AGAP1: variants seen among roughly 807,000 people sequenced by gnomAD.
AGAP1 encodes ArfGAP with GTPase domain, ankyrin repeat and PH domain 1.
A neutral mutation model predicts 105.3 loss-of-function variants in AGAP1; 29 were observed. The ratio of observed to expected loss-of-function variants is 0.28; its 90% CI spans 0.21 to 0.38. The LOEUF (loss-of-function observed/expected upper bound fraction) is 0.38, where lower values mean the gene tolerates loss of function less well. Ranked by LOEUF, AGAP1 falls within the 10% of genes least tolerant of loss-of-function variation. The pLI is 1.00. For missense variants in AGAP1, 998 were observed against 1,165.1 expected (o/e 0.86, Z 2.09); for synonymous variants, 509 against 485.9 (o/e 1.05, Z -0.63).
rs970454413 is a variant in AGAP1, at chr2:235,639,039, G to A, written c.164-70140G>A. 4.6e-5 allele frequency among the ~76,000 whole-genome samples: 7 copies of A among 152,296 alleles called. No homozygotes were observed. Among genetic ancestry groups the A allele is most frequent in the African/African-American group, 1.7e-4 (7 of 41,568 alleles). On this transcript the variant is annotated intron_variant, in intron 1 of 17. Coordinates refer to ENST00000304032, the MANE Select transcript of AGAP1 (RefSeq NM_001037131.3). This position sits in a 1 kb window ranked among gnomAD's most constrained non-coding sequence, Gnocchi z 5.3. Reference sequence around the variant, plus strand: ...CCCACTGGTTAAAATAGTGTCAGTAGGGGTGGAGAGAAGGGGACAAAAGAG... The same window carrying A: ...CCCACTGGTTAAAATAGTGTCAGTAAGGGTGGAGAGAAGGGGACAAAAGAG...
rs1303262552 is a variant in AGAP1 at position 235,573,061 on chromosome 2, T to C, written c.163+78212T>C. On this transcript the variant is annotated intron_variant, in intron 1 of 17. Transcript: ENST00000304032. ...CTTCTTCTTCTTCTTCTTCTTCTTC[T>C]TTCTTCTTTCTTCTTTCTTCTTTCT... is the stretch of plus-strand genomic sequence containing the variant. 6.5e-3 allele frequency among the ~76,000 whole-genome samples: 441 copies of C among 67,372 alleles called. 83 individuals carry two copies. The East Asian group carries it at 0.16, about 24-fold the overall frequency. 44.2% of individuals were successfully genotyped at this position (67,372 alleles called of 152,430 possible).
rs1041190737 is a variant in AGAP1 at position 235,855,186 on chromosome 2, G to A, written c.1051-28159G>A. Among the ~76,000 whole-genome samples, 1 of 152,216 alleles carries A rather than the reference G, an allele frequency of 6.6e-6. No homozygotes were observed. The highest frequency in any genetic ancestry group is 1.5e-5 in the Non-Finnish European group (1 of 68,030). ...TCATCAGGCCCCAGGTGGAAAATCG[G>A]CGTGGTGACGCATGTGCTGCCATCC... On this transcript the variant is annotated intron_variant, in intron 9 of 17. Transcript: ENST00000304032. The surrounding 1 kb of genome is among the most constrained non-coding windows in gnomAD (Gnocchi z 5.0).
At chr2:235,835,749 C>T (rs924226032) in intron 9 of AGAP1, among the ~76,000 whole-genome samples, 7 of 152,330 alleles carry the variant, frequency 4.6e-5, no homozygotes, top group South Asian at 4.1e-4. Context: ...TCATGTTAAG[C>T]TTTGCTCGTG....
intron 13 of AGAP1, among the ~76,000 whole-genome samples, chr2:236,021,920 G>A (rs1243167140): frequency 6.6e-6 from 1 of 151,864 alleles, no homozygotes; most frequent in Non-Finnish European, 1.5e-5. Context: ...TTAGCCAGGT[G>A]TGGTGGCGCA....
intron 1 of AGAP1, among the ~76,000 whole-genome samples, chr2:235,520,315 T>C (rs1289807279): frequency 2.6e-5 from 4 of 152,244 alleles, no homozygotes; most frequent in Non-Finnish European, 5.9e-5. Context: ...GATCAAATAC[T>C]GTGTGCACGT....
At chr2:235,869,625 C>CTTAT (rs1395938276) in intron 9 of AGAP1, among the ~76,000 whole-genome samples, 2 of 151,962 alleles carry the variant, frequency 1.3e-5, no homozygotes, top group African/African-American at 4.8e-5. Context: ...AAAGTGCCAC[C>CTTAT]TTATTGTTTA....
In AGAP1 at chr2:235,845,979, C is replaced by T. The variant is rs1575603195; in HGVS notation, c.1051-37366C>T. On this transcript the variant is annotated intron_variant, in intron 9 of 17. Transcript: ENST00000304032. This position sits in a 1 kb window ranked among gnomAD's most constrained non-coding sequence, Gnocchi z 4.8. ...CACAGGGTTGAAATCTTTCCCAGGC[C>T]CTCCAGACCTCCTGGATGAGGCTTA... Among the ~76,000 whole-genome samples the T allele has an allele frequency of 6.6e-6, 1 of 151,888 alleles. No individual in the cohort carries two copies. Among genetic ancestry groups the T allele is most frequent in the African/African-American group, 2.4e-5 (1 of 41,318 alleles).
chr2:236,107,933 C>T (rs532406579), intron 16 of AGAP1, among the ~76,000 whole-genome samples: 2 of 152,348 alleles, frequency 1.3e-5, no homozygotes, highest in East Asian at 3.9e-4. Flanking sequence ...TCATAAAACA[C>T]CCTGCAGGTT....
At position 236,045,669 on chromosome 2, in the gene AGAP1, C is replaced by T. The variant is rs991579940; in HGVS notation, c.1892-3390C>T. Among the ~76,000 whole-genome samples the T allele has an allele frequency of 5.9e-5, 9 of 152,248 alleles. No individual in the cohort carries two copies. The highest frequency in any genetic ancestry group is 1.3e-4 in the Non-Finnish European group (9 of 68,048). On this transcript the variant is annotated intron_variant, in intron 15 of 17. Coordinates refer to ENST00000304032, the MANE Select transcript of AGAP1 (RefSeq NM_001037131.3). The surrounding 1 kb of genome is among the most constrained non-coding windows in gnomAD (Gnocchi z 6.9). ...AGGAGACAGTGCAGAGGTCTGAGTC[C>T]GTGCCAGGAGGCTGGGATCAGCCAC...
rs111486636 is a variant in AGAP1 at position 235,686,140 on chromosome 2, T to C, written c.164-23039T>C. Among the ~76,000 whole-genome samples the C allele has an allele frequency of 6.8e-4, 104 of 152,138 alleles. 1 individual carries two copies. The East Asian group carries it at 0.017, about 26-fold the overall frequency. ...GCCTAAGATTTTTGTTTTCCACAGG[T>C]CTTTTTAGGAATTTTAAAGATGTAT... On this transcript the variant is annotated intron_variant, in intron 1 of 17. Transcript: ENST00000304032.
rs2050321113 is a variant in AGAP1 at position 235,887,362 on chromosome 2, C to T, written c.1155+3913C>T. Among the ~76,000 whole-genome samples the T allele has an allele frequency of 6.6e-6, 1 of 152,206 alleles. No individual in the cohort carries two copies. Among genetic ancestry groups the T allele is most frequent in the African/African-American group, 2.4e-5 (1 of 41,446 alleles). The stretch of plus-strand genomic sequence containing the variant: ...GTGAAGTGGGGCCTCTCCCTGGTAA[C>T]ACCCTATTGTCTGAACATGGGAACC... On this transcript the variant is annotated intron_variant, in intron 10 of 17. Coordinates refer to ENST00000304032, the MANE Select transcript of AGAP1 (RefSeq NM_001037131.3). The surrounding 1 kb of genome is among the most constrained non-coding windows in gnomAD (Gnocchi z 4.1).
intron 10 of AGAP1, among the ~76,000 whole-genome samples, chr2:235,898,095 A>G (rs147633589): frequency 6.6e-4 from 100 of 152,350 alleles, no homozygotes; most frequent in Non-Finnish European, 1.1e-3. Flanking sequence ...AAATCCGCTG[A>G]TGATTACATT....
At position 235,551,049 on chromosome 2, in the gene AGAP1, C is replaced by T. The variant is rs920464327; in HGVS notation, c.163+56200C>T. Among the ~76,000 whole-genome samples the T allele has an allele frequency of 6.6e-6, 1 of 152,080 alleles. No homozygotes were observed. Among genetic ancestry groups the T allele is most frequent in the South Asian group, 2.1e-4 (1 of 4,818 alleles). On this transcript the variant is annotated intron_variant, in intron 1 of 17. Transcript: ENST00000304032. The surrounding 1 kb of genome is among the most constrained non-coding windows in gnomAD (Gnocchi z 4.8). ...TCGGCCTCTGAAAGTGCTGGGATTA[C>T]AGGCGTGAGCCACCGCGCTCGGCCA...
At chr2:235,980,285 G>GT (rs777160550) in intron 13 of AGAP1, among the ~76,000 whole-genome samples, 12 of 152,332 alleles carry the variant, frequency 7.9e-5, no homozygotes, top group East Asian at 7.7e-4. Context: ...GCAGCCAGGG[G>GT]TTTGAAGTGC....
At chr2:235,572,985 CTT>C (rs1944584515) in intron 1 of AGAP1, among the ~76,000 whole-genome samples, 6 of 25,620 alleles carry the variant, frequency 2.3e-4, no homozygotes, top group Admixed American at 1.4e-3. Flanking sequence ...TTTTCTTCTT[CTT>C]CTTCTTCTTC....
chr2:235,825,207 C>T (rs1032987941), intron 9 of AGAP1, among the ~76,000 whole-genome samples: 1 of 152,246 alleles, frequency 6.6e-6, no homozygotes, highest in Non-Finnish European at 1.5e-5. Flanking sequence ...AGACCCCTTC[C>T]TTCTTGACCG....
chr2:236,036,464 G>C lies in AGAP1; in HGVS notation c.1646-97G>C, dbSNP rs550892538. Reference sequence around the variant, plus strand: ...CGTGCGCCTCACCGGTCCATGCAGGGGCAGCTGAACCCAGAGGCGCTTCTG... The same window carrying C: ...CGTGCGCCTCACCGGTCCATGCAGGCGCAGCTGAACCCAGAGGCGCTTCTG... On this transcript the variant is annotated intron_variant, in intron 13 of 17. Coordinates refer to ENST00000304032, the MANE Select transcript of AGAP1 (RefSeq NM_001037131.3). This position sits in a 1 kb window ranked among gnomAD's most constrained non-coding sequence, Gnocchi z 5.7. 229 of 1,496,438 alleles carry C rather than the reference G, an allele frequency of 1.5e-4. 1 individual carries two copies. The African/African-American group carries it at 2.8e-3, about 19-fold the overall frequency. The allele number at this position is 1,496,438 out of a possible 1,614,324, so 92.7% of individuals were successfully genotyped here. A position where few individuals can be genotyped will look rare whatever the true frequency, so the allele number is the denominator to read the frequency against.
intron 5 of AGAP1, among the ~76,000 whole-genome samples, chr2:235,748,752 A>G (rs1401239160): frequency 6.6e-6 from 1 of 152,264 alleles, no homozygotes; most frequent in South Asian, 2.1e-4. Context: ...CCCTTTCTCC[A>G]CAAAAATAAA....
intron 11 of AGAP1, among the ~76,000 whole-genome samples, chr2:235,916,660 T>C (rs1037432263): frequency 4.6e-5 from 7 of 152,248 alleles, no homozygotes; most frequent in Non-Finnish European, 1.0e-4. Flanking sequence ...TGTCCACCTC[T>C]GTTCTATGGA....
Sources: allele counts gnomAD v4.1 joint callset (sites outside exome capture counted in the v4.1 genomes callset), GRCh38; gene constraint gnomAD v4.1.1; non-coding constraint Gnocchi (gnomAD v3.1); transcripts MANE v1.5; gene names NCBI Gene and HGNC (gene_info 2026-07-23, HGNC 2026-07-21).